The following ZNF33A variants were observed in gnomAD, a reference collection of about 807,000 sequenced individuals.
ZNF33A encodes the protein brain my041 protein.
In ZNF33A, 9 loss-of-function variants were observed where a neutral mutation model predicts 15.9. The ratio of observed to expected loss-of-function variants is 0.57; its 90% CI spans 0.34 to 0.99. ZNF33A has a LOEUF of 0.99. Among genes scored for constraint, ZNF33A ranks in the 50% least tolerant of loss-of-function variants. The probability of loss-of-function intolerance (pLI) is 0.02; values close to 1 mark genes in which losing one functional copy is unlikely to be tolerated. For missense variants in ZNF33A, 843 were observed against 941.6 expected, an observed-to-expected ratio of 0.90 and a Z score of 1.37; for synonymous variants, 294 against 324.2, an observed-to-expected ratio of 0.91 and a Z score of 1.00.
At chr10:38,019,560 G>A (rs527653922) in intron 4 of ZNF33A, among the ~76,000 whole-genome samples, 44 of 152,274 alleles carry the variant, frequency 2.9e-4, no homozygotes, top group African/African-American at 9.4e-4. Context: ...CTGAAACTGC[G>A]GCAGCAGGAA....
At chr10:38,043,089 T>G (rs2065781165) in intron 4 of ZNF33A, among the ~76,000 whole-genome samples, 1 of 152,182 alleles carries the variant, frequency 6.6e-6, no homozygotes, top group Non-Finnish European at 1.5e-5. Flanking sequence ...TTATGGTTAG[T>G]GTACTTGCAA....
chr10:38,017,610 C>T (rs2064520490), intron 4 of ZNF33A: 2 of 329,134 alleles, frequency 6.1e-6, no homozygotes, highest in Middle Eastern at 8.7e-4. Context: ...TATTCTTACA[C>T]CTGCCAATAG....
intron 2 of ZNF33A, among the ~76,000 whole-genome samples, chr10:38,012,802 CAG>C (rs1166747990): frequency 6.6e-6 from 1 of 152,130 alleles, no homozygotes; most frequent in African/African-American, 2.4e-5. Context: ...TATAAAGTAA[CAG>C]ATCAATAGCA....
At chr10:38,011,682 C>T (rs2064193785) in intron 1 of ZNF33A, among the ~76,000 whole-genome samples, 1 of 152,170 alleles carries the variant, frequency 6.6e-6, no homozygotes, top group Non-Finnish European at 1.5e-5. Context: ...TTCAGGATCA[C>T]AGTTAGTAGG....
At chr10:38,065,644 C>T (rs75886892), downstream of ZNF33A, among the ~76,000 whole-genome samples, 1,463 of 152,084 alleles carry the variant, frequency 9.6e-3, 71 homozygotes, top group Admixed American at 0.073. Context: ...GCTTTCCTTC[C>T]GCACCACCAA....
rs2064220738 is a variant in ZNF33A, at chr10:38,012,300, G to GT, written c.-41dup. On this transcript the variant is annotated 5_prime_UTR_variant, in exon 2 of 5. Coordinates refer to ENST00000432900, the MANE Select transcript of ZNF33A (RefSeq NM_006954.2). ...CCATTCCTCTTTTTCTAACTCAGCT[G>GT]TATCTTCAGAGTTGTCTCCGTCTTT... is the stretch of plus-strand genomic sequence containing the variant. 4 of 1,610,542 alleles carry GT rather than the reference G, an allele frequency of 2.5e-6. No homozygotes were observed. The East Asian group carries it at 8.9e-5, about 36-fold the overall frequency.
At chr10:38,021,352 G>GA (rs2064730704) in intron 4 of ZNF33A, among the ~76,000 whole-genome samples, 1 of 128,352 alleles carries the variant, frequency 7.8e-6, no homozygotes, top group Non-Finnish European at 1.7e-5. Context: ...GCTGAAAAGA[G>GA]AAAAGCACAT....
chr10:38,013,519 C>T (rs1320035203), intron 2 of ZNF33A, among the ~76,000 whole-genome samples: 2 of 151,746 alleles, frequency 1.3e-5, no homozygotes, highest in African/African-American at 4.8e-5. Context: ...CCTCCGACTC[C>T]CTGGTTCAAG....
Position 38,056,924 on chromosome 10 carries a change from T to C in ZNF33A, c.*364T>C. On this transcript the variant is annotated 3_prime_UTR_variant, in exon 5 of 5. Transcript: ENST00000432900. The stretch of plus-strand genomic sequence containing the variant: ...TGTGGAATGTAAAGCTTTAAGAACT[T>C]AAACAAAGGTAATAATTAAAATAAC... 1.1e-6 allele frequency: 1 copy of C among 951,888 alleles called. No homozygotes were observed. Among genetic ancestry groups the C allele is most frequent in the Non-Finnish European group, 1.3e-6 (1 of 796,156 alleles). The allele number at this position is 951,888 out of a possible 1,614,324, so 59.0% of individuals were successfully genotyped here. A position where few individuals can be genotyped will look rare whatever the true frequency, so the allele number is the denominator to read the frequency against.
At chr10:38,024,368 A>G (rs1416062935) in intron 4 of ZNF33A, among the ~76,000 whole-genome samples, 1 of 152,158 alleles carries the variant, frequency 6.6e-6, no homozygotes, top group African/African-American at 2.4e-5. Context: ...TATGTATAGG[A>G]CTTTTGTGCT....
chr10:38,027,308 G>T (rs775899386), intron 4 of ZNF33A, among the ~76,000 whole-genome samples: 2 of 151,190 alleles, frequency 1.3e-5, no homozygotes, highest in Non-Finnish European at 2.9e-5. Context: ...GTATAGCTTT[G>T]TATCTGTATT....
In ZNF33A at chr10:38,054,531, G is replaced by A; in HGVS notation, c.407G>A (p.Arg136Lys). The A allele has an allele frequency of 6.2e-7, 1 of 1,612,680 alleles. No individual in the cohort carries two copies. The highest frequency in any genetic ancestry group is 8.5e-7 in the Non-Finnish European group (1 of 1,179,576). Residue 136 changes from arginine (R) to lysine (K), a missense_variant, in exon 5 of 5, where the codon AGA becomes AAA. Arg to Lys is a conservative substitution (Grantham distance 26). Transcript: ENST00000432900. Reference sequence around the variant, plus strand: ...GTGGATGTAAGTTCTTTTCCTTCCAGAAAAATGTTCTGTCAGTGTGATTCA... The same window carrying A: ...GTGGATGTAAGTTCTTTTCCTTCCAAAAAAATGTTCTGTCAGTGTGATTCA... ...FNVDVSSFPS[R>K]KMFCQCDSCG...
downstream of ZNF33A, among the ~76,000 whole-genome samples, chr10:38,063,051 C>CCCA (rs1481424600): frequency 6.8e-6 from 1 of 147,838 alleles, no homozygotes; most frequent in Non-Finnish European, 1.5e-5. Flanking sequence ...GTATCCTGTG[C>CCCA]CGGTCATCTG....
downstream of ZNF33A, among the ~76,000 whole-genome samples, chr10:38,060,788 T>A (rs188755259): frequency 6.6e-6 from 1 of 152,200 alleles, no homozygotes; most frequent in Admixed American, 6.5e-5. Context: ...CAAAGGCTTC[T>A]TGGACAGAAC....
chr10:38,013,646 A>G (rs1350959324), intron 2 of ZNF33A, among the ~76,000 whole-genome samples: 1 of 151,888 alleles, frequency 6.6e-6, no homozygotes, highest in Admixed American at 6.6e-5. Flanking sequence ...TTTAGTAGAG[A>G]CGGGGTTTCA....
intron 2 of ZNF33A, among the ~76,000 whole-genome samples, chr10:38,012,569 C>T (rs1343039070): frequency 6.6e-6 from 1 of 151,552 alleles, no homozygotes; most frequent in African/African-American, 2.4e-5. Flanking sequence ...GTAGCTGGGA[C>T]TGCAGGCGCA....
Position 38,057,307 on chromosome 10 carries a change from C to G in ZNF33A, c.*747C>G, listed in dbSNP as rs2066526693. 1.0e-6 allele frequency: 1 copy of G among 985,238 alleles called. No homozygotes were observed. 61.0% of individuals were successfully genotyped at this position (985,238 alleles called of 1,614,324 possible). A position where few individuals can be genotyped will look rare whatever the true frequency, so the allele number is the denominator to read the frequency against. On this transcript the variant is annotated 3_prime_UTR_variant, in exon 5 of 5. Transcript: ENST00000432900. ...TTAATAACCACACGCTTTCTGCAACCCTATCCCTTGCATCCACTTGACTAT... is the reference window on the plus strand; with the variant it reads ...TTAATAACCACACGCTTTCTGCAACGCTATCCCTTGCATCCACTTGACTAT...
chr10:38,065,348 G>T (rs111601196), downstream of ZNF33A, among the ~76,000 whole-genome samples: 244 of 152,248 alleles, frequency 1.6e-3, 1 homozygote, highest in African/African-American at 5.6e-3. Flanking sequence ...GAGATTACAG[G>T]CATGAGCCAC....
At chr10:38,019,454 A>G (rs992401352) in intron 4 of ZNF33A, among the ~76,000 whole-genome samples, 1 of 152,176 alleles carries the variant, frequency 6.6e-6, no homozygotes, top group Non-Finnish European at 1.5e-5. Flanking sequence ...ATACGTGTGC[A>G]TGTGTCTTTA....
Sources: gnomAD v4.1 joint callset for allele counts (sites outside exome capture counted in the v4.1 genomes callset) on GRCh38, gnomAD v4.1.1 for gene constraint, MANE v1.5 for transcripts, NCBI Gene and HGNC (gene_info 2026-07-23, HGNC 2026-07-21) for gene names.